Variants in CYB5R3 observed in about 807,000 individuals in gnomAD.
CYB5R3 encodes the protein NADH-cytochrome b5 reductase 3.
In CYB5R3, 28 loss-of-function variants were observed where a neutral mutation model predicts 36.5. That is an observed-to-expected ratio of 0.77 (90% CI 0.57 to 1.05). The LOEUF (loss-of-function observed/expected upper bound fraction) is 1.05. CYB5R3 is among the 50% of genes least tolerant of loss of function. The probability of loss-of-function intolerance (pLI) is 0.00; values close to 1 mark genes in which losing one functional copy is unlikely to be tolerated. For synonymous variants in CYB5R3, 181 were observed against 159.8 expected, an observed-to-expected ratio of 1.13 and a Z score of -1.00; for missense variants, 474 against 408.9, an observed-to-expected ratio of 1.16 and a Z score of -1.37.
In CYB5R3 at chr22:42,639,913, A is replaced by T. The variant is rs1051608113; in HGVS notation, c.22-3067T>A. 23 of 1,535,526 alleles carry T rather than the reference A, an allele frequency of 1.5e-5. No homozygotes were observed. In the African/African-American group the frequency reaches 3.0e-4, roughly 20 times the overall value. On this transcript the variant is annotated intron_variant, in intron 1 of 8. Transcript: ENST00000352397. ...ATAGCAGTCTGATCACACCTGGTCC[A>T]ACAACACTCAAATAATAAATCAAAT...
chr22:42,619,483 G>GT lies in CYB5R3; in HGVS notation c.*289dup. On this transcript the variant is annotated 3_prime_UTR_variant, in exon 9 of 9. Coordinates refer to ENST00000352397, the MANE Select transcript of CYB5R3 (RefSeq NM_000398.7). The stretch of plus-strand genomic sequence containing the variant: ...GGCAGCCCTCAGCCTTATAGTGTGT[G>GT]TGGGGGGTGGACGAGGGGTCATGAG... 1 of 489,760 alleles carries GT rather than the reference G, an allele frequency of 2.0e-6. No individual in the cohort carries two copies. 30.3% of individuals were successfully genotyped at this position (489,760 alleles called of 1,614,324 possible).
At position 42,640,392 on chromosome 22, in the gene CYB5R3, T is replaced by C. The variant is rs939138336; in HGVS notation, c.22-3546A>G. 2.0e-5 allele frequency: 11 copies of C among 540,650 alleles called. 1 individual carries two copies. The Admixed American group carries it at 3.7e-4, about 18-fold the overall frequency. The allele number at this position is 540,650 out of a possible 1,614,324, so 33.5% of individuals were successfully genotyped here. A position where few individuals can be genotyped will look rare whatever the true frequency, so the allele number is the denominator to read the frequency against. On this transcript the variant is annotated intron_variant, in intron 1 of 8. Transcript: ENST00000352397. ...TTATTTATTTATTTATTTATTTATT[T>C]ATTTGAGATGGAGTCTCACTCTATC...
chr22:42,643,224 T>C (rs1270946681), intron 1 of CYB5R3, among the ~76,000 whole-genome samples: 1 of 152,134 alleles, frequency 6.6e-6, no homozygotes, highest in African/African-American at 2.4e-5. Flanking sequence ...GTCCTGTCTG[T>C]AAAAAGCGAG....
chr22:42,635,071 G>A (rs1164757907), intron 2 of CYB5R3, among the ~76,000 whole-genome samples: 2 of 151,562 alleles, frequency 1.3e-5, no homozygotes, highest in Admixed American at 6.6e-5. Flanking sequence ...CCAGGTTCAC[G>A]TCATTCTCCT....
At chr22:42,624,022 GC>G in intron 7 of CYB5R3, 134 bp from the exon 8 acceptor site, 1 of 744,968 alleles carries the variant, frequency 1.3e-6, no homozygotes, top group Non-Finnish European at 2.3e-6. Flanking sequence ...AGGGGACTCG[GC>G]CAGAGATCAC....
Position 42,619,642 on chromosome 22 carries a change from G to T in CYB5R3, c.*131C>A. 1 of 850,710 alleles carries T rather than the reference G, an allele frequency of 1.2e-6. No homozygotes were observed. Among genetic ancestry groups the T allele is most frequent in the Non-Finnish European group, 1.8e-6 (1 of 549,828 alleles). 52.7% of individuals were successfully genotyped at this position (850,710 alleles called of 1,614,324 possible). On this transcript the variant is annotated 3_prime_UTR_variant, in exon 9 of 9. Coordinates refer to ENST00000352397, the MANE Select transcript of CYB5R3 (RefSeq NM_000398.7). The stretch of plus-strand genomic sequence containing the variant: ...GGCTCCAGGGGAACTGCTCAGCCAG[G>T]TGATTCACCAGGGCACGGGCAGGCC...
intron 7 of CYB5R3, among the ~76,000 whole-genome samples, chr22:42,624,387 C>CA (rs751954839): frequency 2.6e-5 from 4 of 152,136 alleles, no homozygotes; most frequent in Non-Finnish European, 4.4e-5. Flanking sequence ...CTCCAGAAAC[C>CA]AGGAAGTACA....
At chr22:42,647,994 G>A (rs1035167000) in intron 1 of CYB5R3, among the ~76,000 whole-genome samples, 1 of 152,238 alleles carries the variant, frequency 6.6e-6, no homozygotes, top group Admixed American at 6.5e-5. Context: ...GGAGACCAGG[G>A]GAAGCTTTAG....
chr22:42,627,468 G>T lies in CYB5R3; in HGVS notation c.548-79C>A. 1.1e-5 allele frequency: 16 copies of T among 1,515,864 alleles called. No individual in the cohort carries two copies. The South Asian group carries it at 1.6e-4, about 15-fold the overall frequency. The allele number at this position is 1,515,864 out of a possible 1,614,324, so 93.9% of individuals were successfully genotyped here. ...CACCGCCCCGCCCAGGTGTACTGGG[G>T]TGGAGGGGCCAGGACCACTGGGCCT... is the stretch of plus-strand genomic sequence containing the variant. On this transcript the variant is annotated intron_variant, in intron 6 of 8. Transcript: ENST00000352397.
At chr22:42,635,110 C>T (rs1387992170) in intron 2 of CYB5R3, among the ~76,000 whole-genome samples, 2 of 152,122 alleles carry the variant, frequency 1.3e-5, no homozygotes, top group East Asian at 3.9e-4. Context: ...GCTGGGACTA[C>T]AGGTGCCTGC....
intron 1 of CYB5R3, chr22:42,639,064 TCACA>T (rs1251750005): frequency 2.4e-6 from 1 of 422,524 alleles, no homozygotes; most frequent in Non-Finnish European, 4.6e-6. Flanking sequence ...GCGCTGTAGC[TCACA>T]CTTGTAATCT....
chr22:42,620,789 G>A (rs1417004021), intron 8 of CYB5R3, among the ~76,000 whole-genome samples: 1 of 152,162 alleles, frequency 6.6e-6, no homozygotes, highest in Non-Finnish European at 1.5e-5. Context: ...TTATCTCATG[G>A]ACTCCATGAG....
intron 2 of CYB5R3, chr22:42,631,651 C>T (rs1035506132): frequency 1.1e-5 from 7 of 623,966 alleles, no homozygotes; most frequent in South Asian, 3.7e-5. Context: ...TGAGGCCAGG[C>T]GCACGCTGGG....
intron 4 of CYB5R3, among the ~76,000 whole-genome samples, chr22:42,628,935 C>T (rs955808336): frequency 2.0e-5 from 3 of 151,992 alleles, no homozygotes; most frequent in Non-Finnish European, 4.4e-5. Context: ...CAGAGGGTGG[C>T]TATGGGGTGT....
intron 7 of CYB5R3, among the ~76,000 whole-genome samples, chr22:42,626,176 G>A (rs1347275998): frequency 1.3e-5 from 2 of 152,142 alleles, no homozygotes; most frequent in East Asian, 1.9e-4. Flanking sequence ...GGGCATGGTG[G>A]CACACATCCT....
In CYB5R3 at chr22:42,627,711, G is replaced by C. The variant is rs527550407; in HGVS notation, c.464-23C>G. On this transcript the variant is annotated intron_variant, in intron 5 of 8. Coordinates refer to ENST00000352397, the MANE Select transcript of CYB5R3 (RefSeq NM_000398.7). ...TCCCTGGGGAGAGAGAAGGGGTGAG[G>C]CCCGGCCATCAAACATGCCATGTGT... 12 of 1,565,632 alleles carry C rather than the reference G, an allele frequency of 7.7e-6. No homozygotes were observed. The South Asian group carries it at 1.3e-4, about 17-fold the overall frequency.
chr22:42,631,038 AC>A, intron 3 of CYB5R3, 50 bp from the exon 4 acceptor site: 1 of 1,536,144 alleles, frequency 6.5e-7, no homozygotes, highest in Non-Finnish European at 9.0e-7. Flanking sequence ...CCTGCGGGTG[AC>A]CCCTGGGTCT....
intron 1 of CYB5R3, among the ~76,000 whole-genome samples, chr22:42,645,829 T>C (rs776989746): frequency 2.0e-5 from 3 of 152,134 alleles, no homozygotes; most frequent in Non-Finnish European, 2.9e-5. Context: ...AGGCAGACCA[T>C]CACCGTCGGT....
chr22:42,622,388 C>G (rs1187886806), intron 8 of CYB5R3, among the ~76,000 whole-genome samples: 1 of 152,152 alleles, frequency 6.6e-6, no homozygotes, highest in Non-Finnish European at 1.5e-5. Context: ...CATTAGTCCT[C>G]TGCCTCCCCC....
Sources: allele counts gnomAD v4.1 joint callset (sites outside exome capture counted in the v4.1 genomes callset), GRCh38; gene constraint gnomAD v4.1.1; transcripts MANE v1.5; gene names NCBI Gene and HGNC (gene_info 2026-07-23, HGNC 2026-07-21).